The following CACNA1E variants were observed in gnomAD, a reference collection of about 807,000 sequenced individuals.
The protein encoded by CACNA1E is voltage-dependent R-type calcium channel subunit alpha-1E.
In CACNA1E, 40 loss-of-function variants were observed where a neutral mutation model predicts 259.2. The observed-to-expected ratio is 0.15, with a 90% CI of 0.12 to 0.20. The LOEUF is 0.20. CACNA1E is among the 10% of genes least tolerant of loss of function. The probability of loss-of-function intolerance (pLI) is 1.00; values close to 1 mark genes in which losing one functional copy is unlikely to be tolerated. For missense variants in CACNA1E, 1,874 were observed against 3,040.1 expected, an observed-to-expected ratio of 0.62 and a Z score of 9.02; for synonymous variants, 1,104 against 1,138.5, an observed-to-expected ratio of 0.97 and a Z score of 0.61.
At chr1:181,437,022 C>T (rs181872180) in intron 2 of CACNA1E, among the ~76,000 whole-genome samples, 2 of 151,734 alleles carry the variant, frequency 1.3e-5, no homozygotes, top group African/African-American at 4.8e-5. Flanking sequence ...TAATAGAAAA[C>T]CCCCAAAAAA....
rs1159957403 is a variant in CACNA1E, at chr1:181,763,493, A to G, written c.4777A>G (p.Ile1593Val). The G allele has an allele frequency of 1.3e-6, 2 of 1,595,668 alleles. No individual in the cohort carries two copies. Among genetic ancestry groups the G allele is most frequent in the Non-Finnish European group, 1.7e-6 (2 of 1,165,560 alleles). The change falls in exon 34 of 48, where the codon ATA (isoleucine) becomes GTA (valine). Residue 1593 changes from isoleucine to valine, a missense_variant. Coordinates refer to ENST00000367573, the MANE Select transcript of CACNA1E (RefSeq NM_001205293.3). ...AAAGCTCCTGCGTCAGGGCTATACC[A>G]TACGCATTTTGCTGTGGACCTTTGT... The part of the protein sequence containing the change: ...LIKLLRQGYT[I>V]RILLWTFVQS...
chr1:181,561,831 T>A (rs1489110893), intron 3 of CACNA1E, among the ~76,000 whole-genome samples: 1 of 152,234 alleles, frequency 6.6e-6, no homozygotes, highest in Non-Finnish European at 1.5e-5. Flanking sequence ...TGTATTATTT[T>A]GCATTCCCGT....
rs140243504 is a variant in CACNA1E at position 181,636,032 on chromosome 1, G to A, written c.952-15306G>A. Among the ~76,000 whole-genome samples, 388 of 152,260 alleles carry A rather than the reference G, an allele frequency of 2.5e-3. 3 individuals carry two copies. Among genetic ancestry groups the A allele is most frequent in the African/African-American group, 8.8e-3 (367 of 41,546 alleles). On this transcript the variant is annotated intron_variant, in intron 6 of 47. Transcript: ENST00000367573. Reference sequence around the variant, plus strand: ...GTATACAACCAACTCCTTGCTCATGGCAAGTAAAATATTTAGATGATAGGA... The same window carrying A: ...GTATACAACCAACTCCTTGCTCATGACAAGTAAAATATTTAGATGATAGGA...
intron 2 of CACNA1E, among the ~76,000 whole-genome samples, chr1:181,448,341 T>C (rs1360175081): frequency 6.6e-6 from 1 of 152,166 alleles, no homozygotes; most frequent in African/African-American, 2.4e-5. Flanking sequence ...ATAGATACTA[T>C]CCTTGTTTGA....
chr1:181,573,060 CA>C (rs1310378450), intron 3 of CACNA1E, among the ~76,000 whole-genome samples: 1 of 152,138 alleles, frequency 6.6e-6, no homozygotes, highest in Non-Finnish European at 1.5e-5. Flanking sequence ...GATTTGACAT[CA>C]GAAGAGAACT....
intron 2 of CACNA1E, among the ~76,000 whole-genome samples, chr1:181,472,698 C>T (rs1159168407): frequency 6.6e-6 from 1 of 152,184 alleles, no homozygotes; most frequent in Non-Finnish European, 1.5e-5. Flanking sequence ...TGGTGACTGT[C>T]TTCAGGTTTT....
chr1:181,629,407 G>A (rs964439530), intron 6 of CACNA1E, among the ~76,000 whole-genome samples: 1 of 152,134 alleles, frequency 6.6e-6, no homozygotes, highest in Non-Finnish European at 1.5e-5. Flanking sequence ...TTTCTGTAGT[G>A]TGAATTGTCT....
chr1:181,507,104 A>G (rs1409016120), intron 1 of CACNA1E, among the ~76,000 whole-genome samples: 1 of 151,542 alleles, frequency 6.6e-6, no homozygotes, highest in Admixed American at 6.6e-5. Context: ...TGGGCCTCAC[A>G]TCAGATAGTG....
intron 19 of CACNA1E, 116 bp downstream of exon 19, chr1:181,731,347 G>GGT (rs140605785): frequency 3.1e-4 from 239 of 758,812 alleles, no homozygotes; most frequent in East Asian, 7.3e-4. Flanking sequence ...TGTGTGGCTT[G>GGT]GTGTGTGTGT....
At chr1:181,697,758 T>A (rs569052024) in intron 7 of CACNA1E, among the ~76,000 whole-genome samples, 1 of 152,254 alleles carries the variant, frequency 6.6e-6, no homozygotes, top group Non-Finnish European at 1.5e-5. Flanking sequence ...AAGTTACTAG[T>A]GCTTTTAATT....
chr1:181,582,755 T>C (rs1558151131), intron 6 of CACNA1E, among the ~76,000 whole-genome samples: 1 of 152,184 alleles, frequency 6.6e-6, no homozygotes, highest in Non-Finnish European at 1.5e-5. Flanking sequence ...GTGCCATGAT[T>C]CCTGCTATCA....
chr1:181,729,279 T>A (rs1311945847), intron 18 of CACNA1E, among the ~76,000 whole-genome samples: 2 of 151,608 alleles, frequency 1.3e-5, no homozygotes, highest in African/African-American at 2.4e-5. Flanking sequence ...TGTGCCCTGC[T>A]AAGGTGTGTG....
rs374637546 is a variant in CACNA1E at position 181,717,261 on chromosome 1, T to C, written c.1484T>C (p.Ile495Thr). Reference protein sequence around the residue: ...LVALNTACVAIVHHNQPQWLT... With the variant: ...LVALNTACVATVHHNQPQWLT... ...GCACTCAACACTGCCTGTGTGGCCA[T>C]TGTCCATCACAACCAGCCCCAGTGG... The change falls in exon 11 of 48, where the codon ATT becomes ACT. Residue 495 changes from isoleucine to threonine, a missense_variant. By Grantham distance (89) the Ile-to-Thr change is moderately conservative. Coordinates refer to ENST00000367573, the MANE Select transcript of CACNA1E (RefSeq NM_001205293.3). 2 of 1,613,840 alleles carry C rather than the reference T, an allele frequency of 1.2e-6. No homozygotes were observed. The highest frequency in any genetic ancestry group is 1.7e-6 in the Non-Finnish European group (2 of 1,179,900).
chr1:181,720,447 C>T (rs745432781), intron 14 of CACNA1E, 110 bp downstream of exon 14: 105 of 1,235,182 alleles, frequency 8.5e-5, no homozygotes, highest in Non-Finnish European at 1.1e-4. Context: ...TCTGCCTTTG[C>T]CCATGGCCTG....
intron 6 of CACNA1E, among the ~76,000 whole-genome samples, chr1:181,633,502 A>AT (rs912914264): frequency 1.4e-4 from 21 of 151,846 alleles, no homozygotes; most frequent in Admixed American, 5.2e-4. Flanking sequence ...ACACTTTTTT[A>AT]TTTTTTTGAG....
At chr1:181,653,448 G>T (rs1311065065) in intron 7 of CACNA1E, among the ~76,000 whole-genome samples, 1 of 152,170 alleles carries the variant, frequency 6.6e-6, no homozygotes, top group Non-Finnish European at 1.5e-5. Flanking sequence ...TGCCATGATT[G>T]TGAGGCCTCC....
At chr1:181,464,858 C>A (rs1321805632) in intron 2 of CACNA1E, among the ~76,000 whole-genome samples, 2 of 152,062 alleles carry the variant, frequency 1.3e-5, no homozygotes, top group African/African-American at 4.8e-5. Context: ...CTCTGACCAT[C>A]CTGCCCACTT....
chr1:181,508,827 C>G (rs1442184161), intron 1 of CACNA1E, among the ~76,000 whole-genome samples: 1 of 152,112 alleles, frequency 6.6e-6, no homozygotes, highest in Non-Finnish European at 1.5e-5. Context: ...GAGGGACTTT[C>G]CATGTGGGGA....
intron 2 of CACNA1E, among the ~76,000 whole-genome samples, chr1:181,449,892 G>A (rs773704278): frequency 6.6e-6 from 1 of 152,132 alleles, no homozygotes; most frequent in Admixed American, 6.5e-5. Flanking sequence ...GAAATATAAG[G>A]TATTATAGGG....
Sources: gnomAD v4.1 joint callset for allele counts (sites outside exome capture counted in the v4.1 genomes callset) on GRCh38, gnomAD v4.1.1 for gene constraint, MANE v1.5 for transcripts, NCBI Gene and HGNC (gene_info 2026-07-23, HGNC 2026-07-21) for gene names.